KDM6A: variants seen among roughly 807,000 people sequenced by gnomAD.
KDM6A encodes lysine demethylase 6A, also known as lysine-specific demethylase 6A.
In KDM6A, 11 loss-of-function variants were observed where a neutral mutation model predicts 117.6. The ratio of observed to expected loss-of-function variants is 0.09; its 90% CI spans 0.06 to 0.15. The LOEUF is 0.15. KDM6A is among the 10% of genes least tolerant of loss of function. The probability of loss-of-function intolerance (pLI) is 1.00; values close to 1 mark genes in which losing one functional copy is unlikely to be tolerated. For synonymous variants in KDM6A, 384 were observed against 396.1 expected (o/e 0.97, Z 0.36); for missense variants, 799 against 1,077.3 (o/e 0.74, Z 3.62).
At chrX:44,888,173 C>T (rs1024447968) in intron 2 of KDM6A, among the ~76,000 whole-genome samples, 4 of 110,853 alleles carry the variant, frequency 3.6e-5, no homozygotes, top group Non-Finnish European at 5.7e-5. Context: ...GGCGTGGTGG[C>T]GGGCACCTGT....
intron 2 of KDM6A, among the ~76,000 whole-genome samples, chrX:44,909,343 C>T (rs181598799): frequency 9.0e-6 from 1 of 111,136 alleles, no homozygotes; most frequent in Non-Finnish European, 1.9e-5. Context: ...TGAATTTATC[C>T]CTTTTGCTGT....
chrX:45,018,736 A>G lies in KDM6A; in HGVS notation c.444-1874A>G, dbSNP rs1233303549. 2.7e-5 allele frequency among the ~76,000 whole-genome samples: 3 copies of G among 110,446 alleles called. No individual in the cohort carries two copies. The East Asian group carries it at 8.5e-4, about 31-fold the overall frequency. On this transcript the variant is annotated intron_variant, in intron 5 of 29. Transcript: ENST00000611820. ...TATTTCTTTATTCTTTTCCACTTTCATTCTTTTTCTTTCATATCTTTGACT... is the reference window on the plus strand; with the variant it reads ...TATTTCTTTATTCTTTTCCACTTTCGTTCTTTTTCTTTCATATCTTTGACT...
At chrX:45,041,090 A>C (rs1466600692) in intron 8 of KDM6A, among the ~76,000 whole-genome samples, 1 of 51,145 alleles carries the variant, frequency 2.0e-5, no homozygotes, top group African/African-American at 8.9e-5. Flanking sequence ...GGCACCCCTC[A>C]CCTCCCGGAC....
At chrX:44,896,879 A>G (rs2033910863) in intron 2 of KDM6A, among the ~76,000 whole-genome samples, 1 of 109,700 alleles carries the variant, frequency 9.1e-6, no homozygotes, top group Admixed American at 9.8e-5. Context: ...AAAGTAATGT[A>G]TCATTTCTCT....
chrX:44,958,406 T>C (rs1352435721), intron 2 of KDM6A, among the ~76,000 whole-genome samples: 1 of 109,405 alleles, frequency 9.1e-6, no homozygotes, highest in African/African-American at 3.3e-5. Flanking sequence ...ATGGTCTCCA[T>C]CTCCTGACCT....
intron 2 of KDM6A, among the ~76,000 whole-genome samples, chrX:44,955,030 A>T (rs2038243353): frequency 8.9e-6 from 1 of 111,808 alleles, no homozygotes; most frequent in Non-Finnish European, 1.9e-5. Flanking sequence ...AGTTAAAGAG[A>T]GAATTTTTGA....
At chrX:44,936,577 A>G (rs1366162651) in intron 2 of KDM6A, among the ~76,000 whole-genome samples, 2 of 111,744 alleles carry the variant, frequency 1.8e-5, no homozygotes, top group East Asian at 2.8e-4. Flanking sequence ...CACCATAATC[A>G]TTGTTACTAC....
Position 44,874,001 on chromosome X carries a change from G to C in KDM6A, c.225+14G>C. ...CTACTGGGCAAGGTAAGGCAGCTGC[G>C]AGTCGGAGCGCGGACACCGTCTCCC... On this transcript the variant is annotated intron_variant, in intron 2 of 29. Transcript: ENST00000611820. 8.3e-7 allele frequency: 1 copy of C among 1,203,021 alleles called. No individual in the cohort carries two copies.
chrX:44,922,760 C>G (rs755149880), intron 2 of KDM6A, among the ~76,000 whole-genome samples: 18 of 112,746 alleles, frequency 1.6e-4, no homozygotes, highest in African/African-American at 5.8e-4. Context: ...TGAGCCACTG[C>G]GCCCGGCCTA....
intron 4 of KDM6A, among the ~76,000 whole-genome samples, chrX:45,001,179 G>A (rs988755735): frequency 9.0e-6 from 1 of 111,446 alleles, no homozygotes; most frequent in Non-Finnish European, 1.9e-5. Context: ...AATTTAATAG[G>A]GTTTGCTGAA....
chrX:44,877,234 A>G (rs2031745963), intron 2 of KDM6A, among the ~76,000 whole-genome samples: 1 of 111,620 alleles, frequency 9.0e-6, no homozygotes, highest in Admixed American at 9.6e-5. Flanking sequence ...TGTTTGTAGG[A>G]TGGCCATTTG....
chrX:45,039,507 T>TC (rs1215588339), intron 8 of KDM6A, among the ~76,000 whole-genome samples: 2 of 78,650 alleles, frequency 2.5e-5, no homozygotes, highest in Non-Finnish European at 4.2e-5. Context: ...TTGATAATTT[T>TC]TTTTTTTTTT....
chrX:45,088,498 A>G (rs1456043735), intron 25 of KDM6A, among the ~76,000 whole-genome samples: 1 of 113,553 alleles, frequency 8.8e-6, no homozygotes, highest in Non-Finnish European at 1.9e-5. Context: ...AGTTTTTTTT[A>G]CAGAAACAGG....
chrX:45,099,063 G>A (rs762156611), intron 27 of KDM6A, among the ~76,000 whole-genome samples: 113 of 111,012 alleles, frequency 1.0e-3, no homozygotes, highest in Middle Eastern at 4.6e-3. Flanking sequence ...TTTATTTAGC[G>A]GTCTCTGTAT....
chrX:44,954,323 T>C (rs2147123999), intron 2 of KDM6A, among the ~76,000 whole-genome samples: 1 of 111,574 alleles, frequency 9.0e-6, no homozygotes, highest in South Asian at 3.7e-4. Flanking sequence ...GCATACACTT[T>C]TAGGGATTTG....
chrX:45,089,650 GT>G, intron 25 of KDM6A, 92 bp from the exon 26 acceptor site: 2 of 624,795 alleles, frequency 3.2e-6, no homozygotes, highest in Non-Finnish European at 5.2e-6. Context: ...ATGAACAAGT[GT>G]TTATTTAAAA....
intron 4 of KDM6A, among the ~76,000 whole-genome samples, chrX:44,985,803 C>T (rs878911424): frequency 5.4e-5 from 6 of 111,538 alleles, no homozygotes; most frequent in African/African-American, 9.8e-5. Flanking sequence ...CTGCTGGATT[C>T]GGTTTGTCCG....
chrX:45,001,862 G>A (rs942250780), intron 4 of KDM6A, among the ~76,000 whole-genome samples: 1 of 111,083 alleles, frequency 9.0e-6, no homozygotes, highest in South Asian at 3.9e-4. Flanking sequence ...GCAGCACAAG[G>A]TAGGGTCCTT....
chrX:45,075,330 C>T (rs1205874796), intron 18 of KDM6A, among the ~76,000 whole-genome samples: 2 of 111,215 alleles, frequency 1.8e-5, no homozygotes, highest in Non-Finnish European at 3.8e-5. Flanking sequence ...CAACTTTATA[C>T]CCAAATCTAA....
Sources: gnomAD v4.1 joint callset for allele counts (sites outside exome capture counted in the v4.1 genomes callset) on GRCh38, gnomAD v4.1.1 for gene constraint, MANE v1.5 for transcripts, NCBI Gene and HGNC (gene_info 2026-07-23, HGNC 2026-07-21) for gene names.